The following TJP1 variants were observed in gnomAD, a reference collection of about 807,000 sequenced individuals.
TJP1 encodes the protein tight junction protein ZO-1.
Under a neutral mutation model 194.2 loss-of-function variants are expected in TJP1, and 43 were observed. The observed-to-expected ratio is 0.22, with a 90% CI of 0.17 to 0.29. The LOEUF (loss-of-function observed/expected upper bound fraction) is 0.29. Among genes scored for constraint, TJP1 ranks in the 10% least tolerant of loss-of-function variants. TJP1 has a pLI of 1.00. For missense variants in TJP1, 1,971 were observed against 2,185.7 expected, an observed-to-expected ratio of 0.90 and a Z score of 1.96; for synonymous variants, 801 against 779.0, an observed-to-expected ratio of 1.03 and a Z score of -0.47.
rs2043776770 is a variant in TJP1 at position 29,733,083 on chromosome 15, A to G, written c.1736+11T>C. ...TGATTCACTCTATGAGAAGTATCCA[A>G]GCATTCATACCTGTTCTTATTAGGG... On this transcript the variant is annotated intron_variant, in intron 13 of 27. Transcript: ENST00000614355. 1 of 1,610,248 alleles carries G rather than the reference A, an allele frequency of 6.2e-7. No individual in the cohort carries two copies. The highest frequency in any genetic ancestry group is 1.7e-5 in the Admixed American group (1 of 59,918).
At chr15:29,752,656 GA>G (rs1162789511) in intron 8 of TJP1, among the ~76,000 whole-genome samples, 1 of 152,140 alleles carries the variant, frequency 6.6e-6, no homozygotes, top group East Asian at 1.9e-4. Context: ...CCCTCAAACT[GA>G]AAATAACAGT....
At chr15:29,967,793 A>T in intron 1 of TJP1, among the ~76,000 whole-genome samples, 1 of 152,224 alleles carries the variant, frequency 6.6e-6, no homozygotes, top group East Asian at 1.9e-4. Flanking sequence ...ATTAAATTAG[A>T]CTGTGCTCAA....
At chr15:29,899,308 T>G (rs2053569400) in intron 2 of TJP1, among the ~76,000 whole-genome samples, 1 of 152,244 alleles carries the variant, frequency 6.6e-6, no homozygotes, top group African/African-American at 2.4e-5. Flanking sequence ...AATCCTTATT[T>G]TATGTTTTCT....
In TJP1 at chr15:29,718,654, G is replaced by A; in HGVS notation, c.3488C>T (p.Pro1163Leu). The change falls in exon 21 of 28, where the codon CCT (proline) becomes CTT (leucine). Residue 1163 changes from proline to leucine, a missense_variant. Pro to Leu is a moderately conservative substitution (Grantham distance 98, BLOSUM62 -3). This residue lies in a region of TJP1 where 1,108 missense variants were observed against 1,128.5 expected (regional missense o/e 0.98). Transcript: ENST00000614355. ...SALRHEEQPA[P>L]GYDTHGRLRP... is the part of the protein sequence containing the mutation. ...GAGTCTACCATGTGTGTCATACCCAGGAGCTGGCTGCTCTTCGTGCCGCAG... is the reference window on the plus strand; with the variant it reads ...GAGTCTACCATGTGTGTCATACCCAAGAGCTGGCTGCTCTTCGTGCCGCAG... 1 of 1,614,182 alleles carries A rather than the reference G, an allele frequency of 6.2e-7. No individual in the cohort carries two copies. The highest frequency in any genetic ancestry group is 8.5e-7 in the Non-Finnish European group (1 of 1,180,036).
intron 2 of TJP1, among the ~76,000 whole-genome samples, chr15:29,837,451 A>G (rs2051072393): frequency 6.6e-6 from 1 of 152,134 alleles, no homozygotes; most frequent in Non-Finnish European, 1.5e-5. Context: ...CTAGCTACTC[A>G]GGAGGCTGAG....
intron 1 of TJP1, among the ~76,000 whole-genome samples, chr15:29,961,671 A>C (rs8033448): frequency 0.43 from 65,006 of 151,954 alleles, 14,483 homozygotes; most frequent in African/African-American, 0.55. Context: ...GGATGAACAC[A>C]GACCACAGGC....
In TJP1 at chr15:29,718,260, A is replaced by G. The variant is rs769342591; in HGVS notation, c.3876+6T>C. The G allele has an allele frequency of 1.7e-5, 28 of 1,610,670 alleles. No homozygotes were observed. In the East Asian group the frequency reaches 4.7e-4, roughly 27 times the overall value. ...CATGCATCCAAGGCACTAAAGACAT[A>G]TTTACCTTAAAACTGCCAGTGTCAT... On this transcript the variant is annotated splice_donor_region_variant and intron_variant, in intron 21 of 27. Coordinates refer to ENST00000614355, the MANE Select transcript of TJP1 (RefSeq NM_001330239.4).
chr15:29,944,552 A>G (rs192997455), intron 2 of TJP1, among the ~76,000 whole-genome samples: 2 of 152,324 alleles, frequency 1.3e-5, no homozygotes, highest in African/African-American at 4.8e-5. Flanking sequence ...CATCTTATTG[A>G]CAAAATATTT....
intron 8 of TJP1, among the ~76,000 whole-genome samples, chr15:29,758,713 T>A (rs1338187843): frequency 6.6e-6 from 1 of 152,200 alleles, no homozygotes; most frequent in East Asian, 1.9e-4. Flanking sequence ...TGTGTGTATG[T>A]GTTGCGGCAG....
In TJP1 at chr15:29,864,237, C is replaced by CAAAAAAAAAAAAAAA. The variant is rs397975539; in HGVS notation, c.307-63550_307-63536dup. On this transcript the variant is annotated intron_variant, in intron 2 of 28. Transcript: ENST00000356107. ...TGAAACCCCGTCTCTACTAAAAATA[C>CAAAAAAAAAAAAAAA]AAAAAAAAAAAAAAAAAAAAAAAAA... 1.7e-3 allele frequency among the ~76,000 whole-genome samples: 33 copies of CAAAAAAAAAAAAAAA among 18,944 alleles called. 7 individuals are homozygous for CAAAAAAAAAAAAAAA. The highest frequency in any genetic ancestry group is 3.1e-3 in the Admixed American group (3 of 974). 12.4% of individuals were successfully genotyped at this position (18,944 alleles called of 152,430 possible).
intron 4 of TJP1, among the ~76,000 whole-genome samples, chr15:29,769,914 T>C (rs926356421): frequency 1.3e-5 from 2 of 152,204 alleles, no homozygotes; most frequent in African/African-American, 4.8e-5. Flanking sequence ...TATTTTTTTT[T>C]CTACATGTTA....
chr15:29,735,603 A>G (rs1019181315), intron 11 of TJP1, among the ~76,000 whole-genome samples: 22 of 151,718 alleles, frequency 1.5e-4, no homozygotes, highest in South Asian at 4.2e-4. Flanking sequence ...AAAAAAAAAA[A>G]AAAGAAAGAA....
At chr15:29,819,767 C>G (rs1218671757) in intron 1 of TJP1, among the ~76,000 whole-genome samples, 2 of 152,172 alleles carry the variant, frequency 1.3e-5, no homozygotes, top group African/African-American at 4.8e-5. Flanking sequence ...CTCGTTTATT[C>G]AGATCTCACT....
At chr15:29,764,168 G>T (rs749941175) in intron 5 of TJP1, among the ~76,000 whole-genome samples, 1 of 152,138 alleles carries the variant, frequency 6.6e-6, no homozygotes, top group Non-Finnish European at 1.5e-5. Flanking sequence ...TCCCAAATGC[G>T]GTGAGTTCAG....
At chr15:29,936,303 T>C (rs1224902191) in intron 2 of TJP1, among the ~76,000 whole-genome samples, 22 of 152,192 alleles carry the variant, frequency 1.4e-4, no homozygotes, top group Admixed American at 1.4e-3. Flanking sequence ...ATAGAGAACA[T>C]TAACACGCCA....
intron 1 of TJP1, among the ~76,000 whole-genome samples, chr15:29,801,748 A>T (rs1170625014): frequency 1.3e-5 from 2 of 152,178 alleles, no homozygotes; most frequent in East Asian, 3.9e-4. Context: ...GGCGTGAGCC[A>T]CCGCGCCCGG....
chr15:29,801,463 ATTT>A (rs11334228), intron 1 of TJP1, among the ~76,000 whole-genome samples: 9 of 131,878 alleles, frequency 6.8e-5, no homozygotes, highest in Non-Finnish European at 8.2e-5. Flanking sequence ...ATAAATTATT[ATTT>A]TTTTTTTTTT....
At chr15:29,968,038 A>C in intron 1 of TJP1, 1 of 980,928 alleles carries the variant, frequency 1.0e-6, no homozygotes, top group Non-Finnish European at 1.2e-6. Context: ...CCTGTAGATA[A>C]TCAGCAACGT....
chr15:29,939,775 G>A (rs894791962), intron 2 of TJP1, among the ~76,000 whole-genome samples: 4 of 152,174 alleles, frequency 2.6e-5, no homozygotes, highest in African/African-American at 9.7e-5. Flanking sequence ...AGGCCTAAGA[G>A]AGCTTGTTTG....
Sources: allele counts gnomAD v4.1 joint callset (sites outside exome capture counted in the v4.1 genomes callset), GRCh38; gene constraint gnomAD v4.1.1; regional missense constraint gnomAD v4.1.1; transcripts MANE v1.5; gene names NCBI Gene and HGNC (gene_info 2026-07-23, HGNC 2026-07-21).